Variants in MAP9 observed in about 807,000 individuals in gnomAD.
The protein encoded by MAP9 is microtubule-associated protein 9.
A neutral mutation model predicts 75.2 loss-of-function variants in MAP9; 80 were observed. The observed-to-expected ratio is 1.06, with a 90% confidence interval of 0.89 to 1.28. The LOEUF (loss-of-function observed/expected upper bound fraction) is 1.28, where lower values mean the gene tolerates loss of function less well. Among genes scored for constraint, MAP9 ranks in the 50% most tolerant of loss-of-function variants. The pLI, the probability that MAP9 is intolerant of heterozygous loss-of-function variation, is 0.00. For missense variants in MAP9, 753 were observed against 719.9 expected (o/e 1.05, Z -0.53); for synonymous variants, 235 against 237.3 (o/e 0.99, Z 0.09).
intron 4 of MAP9, among the ~76,000 whole-genome samples, chr4:155,371,877 T>G (rs17032928): frequency 0.078 from 11,931 of 152,202 alleles, 1,037 homozygotes; most frequent in East Asian, 0.42. Context: ...TCCTCTTCTC[T>G]CCAGCATTGA....
In MAP9 at chr4:155,368,708, C is replaced by T. The variant is rs148818612; in HGVS notation, c.586G>A (p.Asp196Asn). The change falls in exon 5 of 14, where the codon GAT (aspartate) becomes AAT (asparagine). Residue 196 changes from aspartate (D) to asparagine (N), a missense_variant. By Grantham distance (23) the Asp-to-Asn change is conservative. Transcript: ENST00000311277. ...TCTTCACTGAGGGCAGTTTCTTTATCTTCTAGTCCATCCTTCTCCTCCATG... is the reference window on the plus strand; with the variant it reads ...TCTTCACTGAGGGCAGTTTCTTTATTTTCTAGTCCATCCTTCTCCTCCATG... ...SHMEEKDGLEDKETALSEELE... is the reference protein window; with the variant it reads ...SHMEEKDGLENKETALSEELE... The T allele has an allele frequency of 6.2e-7, 1 of 1,614,112 alleles. No individual in the cohort carries two copies. Among genetic ancestry groups the T allele is most frequent in the Non-Finnish European group, 8.5e-7 (1 of 1,179,950 alleles).
intron 8 of MAP9, 145 bp downstream of exon 8, chr4:155,357,304 T>A (rs953855324): frequency 6.2e-6 from 4 of 640,376 alleles, no homozygotes; most frequent in Non-Finnish European, 1.1e-5. Flanking sequence ...GGTTTTATCA[T>A]GAAGTTAACT....
At chr4:155,367,583 A>C (rs1163864748) in intron 5 of MAP9, 1 of 152,262 alleles carries the variant, frequency 6.6e-6, no homozygotes, top group Non-Finnish European at 1.5e-5. Flanking sequence ...AATTTTCTTA[A>C]ATATAAAGTA....
chr4:155,347,331 G>A lies in MAP9; in HGVS notation c.*452C>T, dbSNP rs1560799450. On this transcript the variant is annotated 3_prime_UTR_variant, in exon 14 of 14. Coordinates refer to ENST00000311277, the MANE Select transcript of MAP9 (RefSeq NM_001039580.2). ...TTTGAGCTAAACATCAGTTTCAGAA[G>A]GAATAATATATGCGCACTTCCCAGC... 1.3e-5 allele frequency: 2 copies of A among 152,622 alleles called. No individual in the cohort carries two copies. Among genetic ancestry groups the A allele is most frequent in the African/African-American group, 4.8e-5 (2 of 41,398 alleles). 9.5% of individuals were successfully genotyped at this position (152,622 alleles called of 1,614,324 possible).
intron 5 of MAP9, chr4:155,363,077 G>A (rs568489508): frequency 4.1e-4 from 62 of 152,218 alleles, no homozygotes; most frequent in African/African-American, 1.3e-3. Flanking sequence ...ATAAGTATGT[G>A]GAAAATAGCA....
At chr4:155,373,640 C>T (rs546834617) in intron 3 of MAP9, among the ~76,000 whole-genome samples, 184 bp from the exon 4 acceptor site, 62 of 152,266 alleles carry the variant, frequency 4.1e-4, no homozygotes, top group African/African-American at 1.3e-3. Flanking sequence ...GTCTCATTAA[C>T]ATTTATGAAA....
chr4:155,360,109 T>C, intron 7 of MAP9, 59 bp downstream of exon 7: 1 of 1,505,750 alleles, frequency 6.6e-7, no homozygotes, highest in South Asian at 1.2e-5. Flanking sequence ...ATAAAATTTC[T>C]TAAAGTTCTA....
At chr4:155,364,812 G>C (rs1416401894) in intron 5 of MAP9, among the ~76,000 whole-genome samples, 1 of 151,276 alleles carries the variant, frequency 6.6e-6, no homozygotes, top group Non-Finnish European at 1.5e-5. Context: ...ATTCTAAATA[G>C]ATTGTGATAA....
At chr4:155,369,312 A>C (rs1732482325) in intron 4 of MAP9, among the ~76,000 whole-genome samples, 1 of 146,330 alleles carries the variant, frequency 6.8e-6, no homozygotes, top group African/African-American at 2.6e-5. Context: ...CTGGGTAATA[A>C]GAGCAAAAAT....
chr4:155,372,186 G>C (rs1466895846), intron 4 of MAP9, among the ~76,000 whole-genome samples: 2 of 152,048 alleles, frequency 1.3e-5, no homozygotes. Context: ...TGAGATTGTG[G>C]GGTCAGGAAG....
chr4:155,372,157 T>A (rs762536501), intron 4 of MAP9, among the ~76,000 whole-genome samples: 1 of 152,168 alleles, frequency 6.6e-6, no homozygotes, highest in African/African-American at 2.4e-5. Context: ...CTTACATCCT[T>A]TGCTCATTTC....
In MAP9 at chr4:155,347,559, G is replaced by T. The variant is rs1354645373; in HGVS notation, c.*224C>A. 7.4e-6 allele frequency: 3 copies of T among 405,012 alleles called. No homozygotes were observed. Among genetic ancestry groups the T allele is most frequent in the Non-Finnish European group, 1.3e-5 (3 of 229,542 alleles). 25.1% of individuals were successfully genotyped at this position (405,012 alleles called of 1,614,324 possible). Reference sequence around the variant, plus strand: ...TGATAAAATCTTATGTATCTTAATGGTAAAAACAATCTGATTATTAGGTCT... The same window carrying T: ...TGATAAAATCTTATGTATCTTAATGTTAAAAACAATCTGATTATTAGGTCT... On this transcript the variant is annotated 3_prime_UTR_variant, in exon 14 of 14. Transcript: ENST00000311277.
At chr4:155,348,786 T>C (rs894431935) in intron 13 of MAP9, among the ~76,000 whole-genome samples, 2 of 152,210 alleles carry the variant, frequency 1.3e-5, no homozygotes, top group African/African-American at 4.8e-5. Flanking sequence ...ATTAATGATA[T>C]CTTTGCATCA....
chr4:155,362,397 C>T (rs1049087214), intron 5 of MAP9: 1 of 309,396 alleles, frequency 3.2e-6, no homozygotes, highest in Non-Finnish European at 5.8e-6. Flanking sequence ...CACCACCTCT[C>T]TATTTATTTT....
At chr4:155,352,844 AATTTT>A (rs1459813211) in intron 12 of MAP9, 63 bp downstream of exon 12, 1 of 1,426,110 alleles carries the variant, frequency 7.0e-7, no homozygotes, top group African/African-American at 1.5e-5. Flanking sequence ...CAAGTAAATA[AATTTT>A]ATAAAATCCT....
chr4:155,355,082 G>A lies in MAP9; in HGVS notation c.1369C>T (p.Gln457Ter). The A allele has an allele frequency of 7.2e-7, 1 of 1,388,540 alleles. No individual in the cohort carries two copies. Among genetic ancestry groups the A allele is most frequent in the Non-Finnish European group, 9.8e-7 (1 of 1,023,872 alleles). 86.0% of individuals were successfully genotyped at this position (1,388,540 alleles called of 1,614,324 possible). ...ATATGTCAGAATACCTGTTCATTTT[G>A]GATCCTTAAGTTTTCACTTTCAATT... ...KRIESENLRI[Q>*]NEQKKAAKRE... Residue 457 changes from glutamine to a stop codon, truncating the protein, a stop_gained, in exon 10 of 14, where the codon CAA becomes TAA. Transcript: ENST00000311277. LOFTEE classifies it high-confidence loss of function.
rs746602985 is a variant in MAP9 at position 155,360,261 on chromosome 4, C to T, written c.957G>A (p.Ala319=). ...TTCTGTCATCATCCATAATCAGTTC[C>T]GCTTTTGCCTTTTCTTCTTCAAGGT... ...ADDLEEEKAK[A]ELIMDDDRTV... The change falls in exon 7 of 14, where the codon GCG becomes GCA. Residue 319 remains alanine, a synonymous_variant. Transcript: ENST00000311277. 1.4e-5 allele frequency: 22 copies of T among 1,613,062 alleles called. No individual in the cohort carries two copies. Among genetic ancestry groups the T allele is most frequent in the African/African-American group, 2.7e-5 (2 of 74,862 alleles).
intron 3 of MAP9, among the ~76,000 whole-genome samples, chr4:155,373,754 G>A (rs909810278): frequency 6.6e-6 from 1 of 152,094 alleles, no homozygotes; most frequent in South Asian, 2.1e-4. Flanking sequence ...CCATCCAAAG[G>A]TCCCTAACAA....
chr4:155,356,171 G>A (rs1183480271), intron 8 of MAP9, among the ~76,000 whole-genome samples: 2 of 152,142 alleles, frequency 1.3e-5, no homozygotes, highest in Non-Finnish European at 2.9e-5. Context: ...GGAGGCTGAG[G>A]TGGGAGGATA....
Sources: allele counts gnomAD v4.1 joint callset (sites outside exome capture counted in the v4.1 genomes callset), GRCh38; gene constraint gnomAD v4.1.1; transcripts MANE v1.5; gene names NCBI Gene and HGNC (gene_info 2026-07-23, HGNC 2026-07-21).